KDM2A: variants seen among roughly 807,000 people sequenced by gnomAD.
KDM2A encodes lysine-specific demethylase 2A.
In KDM2A, 3 loss-of-function variants were observed where a neutral mutation model predicts 137.3. That is an observed-to-expected ratio of 0.02 (90% CI 0.01 to 0.06). The LOEUF is 0.06. KDM2A is among the 10% of genes least tolerant of loss of function. The probability of loss-of-function intolerance (pLI) is 1.00; values close to 1 mark genes in which losing one functional copy is unlikely to be tolerated. For missense variants in KDM2A, 738 were observed against 1,510.6 expected, an observed-to-expected ratio of 0.49 and a Z score of 8.48; for synonymous variants, 512 against 541.5, an observed-to-expected ratio of 0.95 and a Z score of 0.76.
chr11:67,201,388 C>A lies in KDM2A; in HGVS notation c.308-6122C>A, dbSNP rs371400814. On this transcript the variant is annotated intron_variant, in intron 5 of 20. Coordinates refer to ENST00000529006, the MANE Select transcript of KDM2A (RefSeq NM_012308.3). ...AGGCATAGTGGCTCATGTCTGTAATCCCAATGTTTTGATAGGCCCAGGTGG... is the reference window on the plus strand; with the variant it reads ...AGGCATAGTGGCTCATGTCTGTAATACCAATGTTTTGATAGGCCCAGGTGG... Among the ~76,000 whole-genome samples the A allele has an allele frequency of 5.0e-4, 76 of 151,984 alleles. 3 individuals are homozygous for A. The South Asian group carries it at 0.016, about 31-fold the overall frequency.
At chr11:67,170,769 C>T (rs1046398857) in intron 2 of KDM2A, among the ~76,000 whole-genome samples, 1 of 152,116 alleles carries the variant, frequency 6.6e-6, no homozygotes, top group Non-Finnish European at 1.5e-5. Context: ...CCCACCACTA[C>T]ACCTTCTCTC....
chr11:67,218,659 C>T (rs748373360), intron 9 of KDM2A, among the ~76,000 whole-genome samples: 30 of 152,182 alleles, frequency 2.0e-4, no homozygotes, highest in Non-Finnish European at 3.4e-4. Context: ...GGCTGGAGTG[C>T]AGTAGCGTGA....
At chr11:67,246,680 A>G (rs1859221962) in intron 15 of KDM2A, among the ~76,000 whole-genome samples, 1 of 152,148 alleles carries the variant, frequency 6.6e-6, no homozygotes, top group Non-Finnish European at 1.5e-5. Context: ...CGAATTGTGC[A>G]GCCTTTGTGG....
chr11:67,224,457 C>CTT (rs1491286868), intron 10 of KDM2A, among the ~76,000 whole-genome samples: 2 of 82,056 alleles, frequency 2.4e-5, no homozygotes, highest in African/African-American at 1.1e-4. Context: ...AAATTAACCC[C>CTT]TTTCTTTTTT....
intron 2 of KDM2A, among the ~76,000 whole-genome samples, chr11:67,179,628 G>T (rs1857044715): frequency 6.6e-6 from 1 of 152,158 alleles, no homozygotes; most frequent in African/African-American, 2.4e-5. Flanking sequence ...TGAGACAAGG[G>T]TTTTTGATCC....
intron 2 of KDM2A, among the ~76,000 whole-genome samples, chr11:67,135,137 C>T (rs765688461): frequency 2.0e-5 from 3 of 151,774 alleles, no homozygotes; most frequent in Non-Finnish European, 2.9e-5. Flanking sequence ...GGCGCGATCT[C>T]GTCTCACCAC....
chr11:67,209,605 G>A (rs1002285509), intron 6 of KDM2A, among the ~76,000 whole-genome samples: 4 of 151,372 alleles, frequency 2.6e-5, no homozygotes, highest in Admixed American at 6.6e-5. Context: ...CACCACACCC[G>A]GCTAATTTTT....
chr11:67,221,540 G>A (rs1044986644), intron 10 of KDM2A, among the ~76,000 whole-genome samples: 6 of 152,148 alleles, frequency 3.9e-5, no homozygotes, highest in African/African-American at 1.4e-4. Flanking sequence ...TGGTGTAGGA[G>A]TTACGTATCA....
intron 5 of KDM2A, among the ~76,000 whole-genome samples, chr11:67,203,298 G>A (rs1253731045): frequency 6.6e-6 from 1 of 151,676 alleles, no homozygotes. Context: ...AAACCAAAAA[G>A]TTTTGTATGA....
Position 67,231,721 on chromosome 11 carries a change from C to T in KDM2A, c.1240C>T (p.Leu414Phe), listed in dbSNP as rs1590810860. ...YDGLGKTCRSLPSLKKTLAGD... is the reference protein window; with the variant it reads ...YDGLGKTCRSFPSLKKTLAGD... The stretch of plus-strand genomic sequence containing the variant: ...TGGACTGGGCAAAACCTGCCGAAGT[C>T]TTCCAAGTCTGAAGAAAACTTTGGC... Residue 414 changes from leucine to phenylalanine, a missense_variant, in exon 12 of 21, where the codon CTT becomes TTT. Physicochemically the swap from Leu to Phe is conservative, Grantham distance 22. Coordinates refer to ENST00000529006, the MANE Select transcript of KDM2A (RefSeq NM_012308.3). 6.2e-7 allele frequency: 1 copy of T among 1,614,022 alleles called. No individual in the cohort carries two copies. Among genetic ancestry groups the T allele is most frequent in the Non-Finnish European group, 8.5e-7 (1 of 1,179,888 alleles).
chr11:67,157,856 T>G (rs888795164), intron 2 of KDM2A, among the ~76,000 whole-genome samples: 1 of 152,004 alleles, frequency 6.6e-6, no homozygotes, highest in Non-Finnish European at 1.5e-5. Flanking sequence ...TCTCAGCTAC[T>G]CCAGGTGGGG....
At chr11:67,249,168 A>G (rs1590828135) in intron 16 of KDM2A, among the ~76,000 whole-genome samples, 1 of 152,254 alleles carries the variant, frequency 6.6e-6, no homozygotes, top group East Asian at 1.9e-4. Context: ...GGATTTTTGA[A>G]GTTGACTAGG....
intron 3 of KDM2A, chr11:67,180,489 C>A: frequency 3.2e-6 from 1 of 316,918 alleles, no homozygotes; most frequent in East Asian, 5.6e-5. Context: ...TTCTTCTATC[C>A]CTTGGTTTAA....
chr11:67,161,839 G>A (rs867868808), intron 2 of KDM2A, among the ~76,000 whole-genome samples: 1 of 152,166 alleles, frequency 6.6e-6, no homozygotes, highest in African/African-American at 2.4e-5. Context: ...ACTATATCAT[G>A]TGTGATGATA....
intron 2 of KDM2A, among the ~76,000 whole-genome samples, chr11:67,128,800 A>G (rs986898967): frequency 2.0e-5 from 3 of 152,214 alleles, no homozygotes; most frequent in African/African-American, 4.8e-5. Flanking sequence ...GCTGTGTGCT[A>G]GATGCTTCAA....
chr11:67,252,345 C>G (rs369476041), intron 17 of KDM2A: 1 of 310,426 alleles, frequency 3.2e-6, no homozygotes, highest in East Asian at 8.0e-5. Flanking sequence ...CTTATATACA[C>G]TTCAGCAGGA....
intron 5 of KDM2A, among the ~76,000 whole-genome samples, chr11:67,191,510 G>A (rs1481468935): frequency 6.6e-6 from 1 of 152,104 alleles, no homozygotes; most frequent in Non-Finnish European, 1.5e-5. Flanking sequence ...GACCAAGTGG[G>A]ATTTATTCCT....
At chr11:67,169,380 C>CTTTTTTTTTTTTTTT (rs1169905276) in intron 2 of KDM2A, among the ~76,000 whole-genome samples, 1 of 132,648 alleles carries the variant, frequency 7.5e-6, no homozygotes, top group Non-Finnish European at 1.6e-5. Context: ...CTTTCTTTTT[C>CTTTTTTTTTTTTTTT]TTTTTTTTTT....
In KDM2A at chr11:67,254,434, T is replaced by A; in HGVS notation, c.3307+16T>A. ...AATATGGCAGGTATGCCGCTACAGT[T>A]GTTCATAATCAGCGGTGCCCCCTGC... On this transcript the variant is annotated intron_variant, in intron 20 of 20. Transcript: ENST00000529006. The surrounding 1 kb of genome is among the most constrained non-coding windows in gnomAD (Gnocchi z 4.7). The A allele has an allele frequency of 6.2e-7, 1 of 1,610,104 alleles. No individual in the cohort carries two copies. The highest frequency in any genetic ancestry group is 8.5e-7 in the Non-Finnish European group (1 of 1,176,696).
Sources: gnomAD v4.1 joint callset for allele counts (sites outside exome capture counted in the v4.1 genomes callset) on GRCh38, gnomAD v4.1.1 for gene constraint, Gnocchi (gnomAD v3.1) non-coding constraint, MANE v1.5 for transcripts, NCBI Gene and HGNC (gene_info 2026-07-23, HGNC 2026-07-21) for gene names.